The following HUWE1 variants were observed in gnomAD, a reference collection of about 807,000 sequenced individuals.
The protein encoded by HUWE1 is E3 ubiquitin-protein ligase HUWE1.
Under a neutral mutation model 299.4 loss-of-function variants are expected in HUWE1, and 18 were observed. The ratio of observed to expected loss-of-function variants is 0.06; its 90% CI spans 0.04 to 0.09. The LOEUF (loss-of-function observed/expected upper bound fraction) is 0.09, where lower values mean the gene tolerates loss of function less well. Ranked by LOEUF, HUWE1 falls within the 10% of genes least tolerant of loss-of-function variation. The pLI, the probability that HUWE1 is intolerant of heterozygous loss-of-function variation, is 1.00. For missense variants in HUWE1, 1,832 were observed against 3,462.3 expected, an observed-to-expected ratio of 0.53 and a Z score of 11.82; for synonymous variants, 1,317 against 1,286.1, an observed-to-expected ratio of 1.02 and a Z score of -0.51.
At chrX:53,620,255 G>T (rs5933599) in intron 19 of HUWE1, among the ~76,000 whole-genome samples, 1,438 of 59,716 alleles carry the variant, frequency 0.024, 59 homozygotes, top group Admixed American at 0.1. Context: ...GCTTCCATTT[G>T]TCTTTTTTTT....
At chrX:53,621,612 C>T (rs2066151619) in intron 19 of HUWE1, among the ~76,000 whole-genome samples, 1 of 108,988 alleles carries the variant, frequency 9.2e-6, no homozygotes. Context: ...ACTCCACTGC[C>T]CCATCAACTC....
intron 7 of HUWE1, among the ~76,000 whole-genome samples, chrX:53,637,174 A>G (rs1419015898): frequency 8.9e-6 from 1 of 112,360 alleles, no homozygotes; most frequent in East Asian, 2.8e-4. Flanking sequence ...GCTAATCTGA[A>G]ATGCCATCTT....
intron 3 of HUWE1, among the ~76,000 whole-genome samples, chrX:53,662,081 C>T (rs1327611193): frequency 1.3e-4 from 14 of 111,839 alleles, no homozygotes; most frequent in African/African-American, 4.6e-4. Flanking sequence ...CCTTACTAAT[C>T]AAGTGTGGTC....
At chrX:53,634,180 TCA>T (rs2067053907) in intron 8 of HUWE1, 54 bp downstream of exon 8, 3 of 934,713 alleles carry the variant, frequency 3.2e-6, no homozygotes, top group South Asian at 2.0e-5. Context: ...AAAGTAAGGT[TCA>T]CAGAGAGGCC....
chrX:53,611,506 A>G (rs781986051), intron 23 of HUWE1, among the ~76,000 whole-genome samples: 1 of 112,242 alleles, frequency 8.9e-6, no homozygotes, highest in East Asian at 2.8e-4. Context: ...GATGAGTAAC[A>G]GTCTCAATTT....
intron 29 of HUWE1, among the ~76,000 whole-genome samples, chrX:53,599,855 T>C (rs1219611291): frequency 9.0e-6 from 1 of 111,462 alleles, no homozygotes; most frequent in Non-Finnish European, 1.9e-5. Flanking sequence ...CAATATGCAA[T>C]AGTTGAAGAG....
rs781868914 is a variant in HUWE1 at position 53,561,807 on chromosome X, C to T, written c.7456G>A (p.Asp2486Asn). Residue 2486 changes from aspartate to asparagine, a missense_variant, in exon 55 of 84, where the codon GAC becomes AAC. Physicochemically the swap from Asp to Asn is conservative, Grantham distance 23. Coordinates refer to ENST00000262854, the MANE Select transcript of HUWE1 (RefSeq NM_031407.7). ...ASPLVRFERF[D>N]REDDLIIEFD... is the part of the protein sequence containing the mutation. Reference sequence around the variant, plus strand: ...TCAATGATGAGATCATCCTCCCGGTCAAAGCGCTCAAATCGGACCAAGGGA... The same window carrying T: ...TCAATGATGAGATCATCCTCCCGGTTAAAGCGCTCAAATCGGACCAAGGGA... 1.5e-5 allele frequency: 18 copies of T among 1,211,321 alleles called. No individual in the cohort carries two copies. The highest frequency in any genetic ancestry group is 2.0e-5 in the Non-Finnish European group (18 of 895,340).
chrX:53,595,056 T>A (rs782181693), intron 30 of HUWE1, 131 bp downstream of exon 30: 1 of 539,545 alleles, frequency 1.9e-6, no homozygotes, highest in Non-Finnish European at 3.1e-6. Flanking sequence ...TACACTTCAT[T>A]TTCTAGAGTA....
chrX:53,549,585 T>C (rs1324892889), intron 66 of HUWE1, 80 bp from the exon 67 acceptor site: 1 of 842,502 alleles, frequency 1.2e-6, no homozygotes, highest in East Asian at 3.3e-5. Context: ...GGGAGGGGAA[T>C]GAGCTAGGTA....
rs782478122 is a variant in HUWE1, at chrX:53,569,729, T to A, written c.6411A>T (p.Ala2137=). 2.5e-6 allele frequency: 3 copies of A among 1,212,022 alleles called. No individual in the cohort carries two copies. The East Asian group carries it at 8.9e-5, about 36-fold the overall frequency. The change falls in exon 48 of 84, where the codon GCA becomes GCT. Residue 2137 remains alanine, a synonymous_variant. Coordinates refer to ENST00000262854, the MANE Select transcript of HUWE1 (RefSeq NM_031407.7). ...TGCCACTCCCTGCAGCAGCCAGGCTTGCGAGGAACAGGCGGGCCAAGGCAG... is the reference window on the plus strand; with the variant it reads ...TGCCACTCCCTGCAGCAGCCAGGCTAGCGAGGAACAGGCGGGCCAAGGCAG... ...DTPALARLFL[A]SLAAAGSGTD...
At chrX:53,675,399 G>A (rs2069766409) in intron 3 of HUWE1, among the ~76,000 whole-genome samples, 1 of 111,743 alleles carries the variant, frequency 8.9e-6, no homozygotes, top group Non-Finnish European at 1.9e-5. Flanking sequence ...CAGTCTCAAA[G>A]GCTGGGGAGG....
chrX:53,595,435 A>G (rs782767776), intron 29 of HUWE1, 32 bp from the exon 30 acceptor site: 3 of 1,069,926 alleles, frequency 2.8e-6, no homozygotes, highest in Non-Finnish European at 3.9e-6. Context: ...AAGACTGTAC[A>G]GTATTCTCAG....
chrX:53,616,216 A>AT (rs1228406058), intron 21 of HUWE1, among the ~76,000 whole-genome samples: 1 of 106,643 alleles, frequency 9.4e-6, no homozygotes, highest in African/African-American at 3.4e-5. Flanking sequence ...CTGTTGTGAT[A>AT]TTTTTTTCCT....
chrX:53,650,274 TCA>T (rs1464661427), intron 4 of HUWE1, among the ~76,000 whole-genome samples: 1 of 112,368 alleles, frequency 8.9e-6, no homozygotes, highest in African/African-American at 3.2e-5. Context: ...TCCTCTTTCT[TCA>T]CAGTGTGTGG....
rs1363030639 is a variant in HUWE1 at position 53,546,538 on chromosome X, G to A, written c.10813C>T (p.Leu3605=). 4 of 1,207,176 alleles carry A rather than the reference G, an allele frequency of 3.3e-6. No individual in the cohort carries two copies. Among genetic ancestry groups the A allele is most frequent in the Non-Finnish European group, 4.5e-6 (4 of 893,229 alleles). The change falls in exon 70 of 84, where the codon CTA becomes TTA. Residue 3605 remains leucine (L), a synonymous_variant. Transcript: ENST00000262854. ...EEGLEDAANV[L]LQLSRGDSGT... is the part of the protein sequence containing the mutation. ...GAGTCCCCCCGGGAGAGCTGCAGTA[G>A]TACGTTGGCTGCATCCTCTAAGCCT...
chrX:53,577,481 C>T (rs1269249564), intron 43 of HUWE1, among the ~76,000 whole-genome samples: 1 of 74,129 alleles, frequency 1.3e-5, no homozygotes, highest in African/African-American at 4.6e-5. Flanking sequence ...AAAAAACTCC[C>T]TCTCCCTCCT....
At chrX:53,578,947 T>G (rs1602801853) in intron 43 of HUWE1, among the ~76,000 whole-genome samples, 1 of 49,636 alleles carries the variant, frequency 2.0e-5, no homozygotes, top group Non-Finnish European at 3.7e-5. Flanking sequence ...GTCCGGGAGG[T>G]GAGGGGCGCC....
intron 73 of HUWE1, among the ~76,000 whole-genome samples, chrX:53,543,158 A>G (rs1157464887): frequency 1.8e-5 from 2 of 110,756 alleles, no homozygotes; most frequent in Non-Finnish European, 3.8e-5. Flanking sequence ...GTATAATAGT[A>G]ATTATACGCA....
At position 53,533,275 on chromosome X, in the gene HUWE1, T is replaced by C; in HGVS notation, c.*34A>G. 1 of 972,618 alleles carries C rather than the reference T, an allele frequency of 1.0e-6. No homozygotes were observed. The highest frequency in any genetic ancestry group is 1.5e-6 in the Non-Finnish European group (1 of 684,065). The allele number at this position is 972,618 out of a possible 1,213,427, so 80.2% of individuals were successfully genotyped here. ...CCCCCCTCCCCAGGTCCAACAATGG[T>C]AAAAAAAACCCCACGGAGTTGGGCA... On this transcript the variant is annotated 3_prime_UTR_variant, in exon 84 of 84. Transcript: ENST00000262854.
Sources: allele counts gnomAD v4.1 joint callset (sites outside exome capture counted in the v4.1 genomes callset), GRCh38; gene constraint gnomAD v4.1.1; transcripts MANE v1.5; gene names NCBI Gene and HGNC (gene_info 2026-07-23, HGNC 2026-07-21).